The following ACTN2 variants were observed in gnomAD, a reference collection of about 807,000 sequenced individuals.
The protein encoded by ACTN2 is actinin alpha 2.
In ACTN2, 39 loss-of-function variants were observed where a neutral mutation model predicts 113.8. That is an observed-to-expected ratio of 0.34 (90% CI 0.27 to 0.45). ACTN2 has a LOEUF of 0.45. Among genes scored for constraint, ACTN2 ranks in the 20% least tolerant of loss-of-function variants. The pLI is 1.00. For missense variants in ACTN2, 992 were observed against 1,177.9 expected (o/e 0.84, Z 2.31); for synonymous variants, 429 against 444.1 (o/e 0.97, Z 0.43).
At chr1:236,720,450 C>T (rs771050973) in intron 4 of ACTN2, among the ~76,000 whole-genome samples, 29 of 152,134 alleles carry the variant, frequency 1.9e-4, no homozygotes, top group Non-Finnish European at 3.1e-4. Flanking sequence ...ATTTATTGAG[C>T]TTCTTGATTG....
At chr1:236,758,901 G>T (rs139984972) in intron 18 of ACTN2, among the ~76,000 whole-genome samples, 1 of 152,214 alleles carries the variant, frequency 6.6e-6, no homozygotes, top group African/African-American at 2.4e-5. Flanking sequence ...GCTTACAGGC[G>T]TGAGCCACCA....
chr1:236,718,901 G>C lies in ACTN2; in HGVS notation c.249G>C (p.Arg83Ser), dbSNP rs376981679. The change falls in exon 3 of 21, where the codon AGG (arginine) becomes AGC (serine). Residue 83 changes from arginine (R) to serine (S), a missense_variant. Arg to Ser is a moderately radical substitution (Grantham distance 110). Around this residue, in one of 3 missense-constraint regions of ACTN2, gnomAD observed 220 missense variants for 337.5 expected, o/e 0.65. Transcript: ENST00000366578. Reference sequence around the variant, plus strand: ...TCTCTTTTCATCCAACAGGGGAAAGGCTGCCCAAACCTGACCGGGGAAAAA... The same window carrying C: ...TCTCTTTTCATCCAACAGGGGAAAGCCTGCCCAAACCTGACCGGGGAAAAA... ...MLLLEVISGE[R>S]LPKPDRGKMR... The C allele has an allele frequency of 5.0e-6, 8 of 1,614,152 alleles. No individual in the cohort carries two copies. The highest frequency in any genetic ancestry group is 5.9e-6 in the Non-Finnish European group (7 of 1,180,022).
chr1:236,755,098 T>C lies in ACTN2; in HGVS notation c.2054T>C (p.Ile685Thr), dbSNP rs1057523250. ...MNQLKQYEHN[I>T]INYKNNIDKL... ...CAGCTGAAGCAGTATGAGCACAACA[T>C]CATCAACTATAAGAACAACATCGAC... The change falls in exon 17 of 21, where the codon ATC becomes ACC. Residue 685 changes from isoleucine (I) to threonine (T), a missense_variant. Coordinates refer to ENST00000366578, the MANE Select transcript of ACTN2 (RefSeq NM_001103.4). 3.7e-6 allele frequency: 6 copies of C among 1,614,036 alleles called. No homozygotes were observed. The highest frequency in any genetic ancestry group is 5.1e-6 in the Non-Finnish European group (6 of 1,180,040).
rs1464169293 is a variant in ACTN2 at position 236,739,248 on chromosome 1, T to C, written c.877-54T>C. On this transcript the variant is annotated intron_variant, in intron 9 of 20. Coordinates refer to ENST00000366578, the MANE Select transcript of ACTN2 (RefSeq NM_001103.4). ...GGATGCCTCATTTTTTTTTTTTAAC[T>C]GGGGGAGGGGGCTTGCTGGTGTCTT... 3.2e-6 allele frequency: 5 copies of C among 1,565,640 alleles called. No homozygotes were observed. The Admixed American group carries it at 6.7e-5, about 21-fold the overall frequency.
At chr1:236,762,121 C>T (rs891509677) in intron 20 of ACTN2, among the ~76,000 whole-genome samples, 26 of 152,172 alleles carry the variant, frequency 1.7e-4, no homozygotes, top group African/African-American at 4.6e-4. Context: ...TGTCCTATTT[C>T]CCACTGAACT....
intron 3 of ACTN2, 97 bp from the exon 4 acceptor site, chr1:236,720,008 T>C (rs1205615249): frequency 1.2e-6 from 1 of 840,530 alleles, no homozygotes; most frequent in African/African-American, 1.7e-5. Context: ...CATATGCACA[T>C]TTTCCAATAG....
chr1:236,729,576 C>T (rs1361059892), intron 6 of ACTN2, among the ~76,000 whole-genome samples: 1 of 152,154 alleles, frequency 6.6e-6, no homozygotes, highest in Non-Finnish European at 1.5e-5. Context: ...TTATCCCTTG[C>T]TTACCTCCTG....
chr1:236,686,573 G>T lies in ACTN2; in HGVS notation c.-101G>T. On this transcript the variant is annotated 5_prime_UTR_variant, in exon 1 of 21. Coordinates refer to ENST00000366578, the MANE Select transcript of ACTN2 (RefSeq NM_001103.4). Reference sequence around the variant, plus strand: ...AGGAGCCGCGCGAAGGTCACCCCGCGCCCGCCGCCCGCCGCCCGCCGCCTC... The same window carrying T: ...AGGAGCCGCGCGAAGGTCACCCCGCTCCCGCCGCCCGCCGCCCGCCGCCTC... The T allele has an allele frequency of 7.6e-7, 1 of 1,308,024 alleles. No individual in the cohort carries two copies. The highest frequency in any genetic ancestry group is 3.4e-5 in the East Asian group (1 of 29,748). 81.0% of individuals were successfully genotyped at this position (1,308,024 alleles called of 1,614,324 possible). A position where few individuals can be genotyped will look rare whatever the true frequency, so the allele number is the denominator to read the frequency against.
intron 6 of ACTN2, among the ~76,000 whole-genome samples, chr1:236,728,365 G>C (rs1658619963): frequency 6.6e-6 from 1 of 151,946 alleles, no homozygotes. Flanking sequence ...GGATGGTCTC[G>C]ATCTCCTGAG....
chr1:236,688,880 C>T (rs1419387204), intron 1 of ACTN2, among the ~76,000 whole-genome samples: 1 of 152,130 alleles, frequency 6.6e-6, no homozygotes, highest in Non-Finnish European at 1.5e-5. Context: ...CTGCCTTCTC[C>T]ACACTTGCCA....
At chr1:236,737,622 A>G (rs1224476218) in intron 9 of ACTN2, among the ~76,000 whole-genome samples, 1 of 151,354 alleles carries the variant, frequency 6.6e-6, no homozygotes, top group Non-Finnish European at 1.5e-5. Context: ...CTCACTCCAC[A>G]TAGGGACCCA....
intron 8 of ACTN2, 70 bp downstream of exon 8, chr1:236,735,790 AGT>A: frequency 7.6e-7 from 1 of 1,323,668 alleles, no homozygotes; most frequent in Admixed American, 1.8e-5. Flanking sequence ...TGCATACTTG[AGT>A]GTGTGTTTGT....
At chr1:236,724,370 G>A (rs553515721) in intron 4 of ACTN2, among the ~76,000 whole-genome samples, 3 of 152,338 alleles carry the variant, frequency 2.0e-5, no homozygotes, top group South Asian at 4.1e-4. Flanking sequence ...TTGGTGATGG[G>A]CGGGAAGACA....
intron 17 of ACTN2, among the ~76,000 whole-genome samples, chr1:236,755,805 T>C (rs10925218): frequency 8.5e-3 from 112 of 13,246 alleles, no homozygotes; most frequent in African/African-American, 0.017. Flanking sequence ...CCGCTGCCAC[T>C]GTTAGAACCC....
At chr1:236,761,656 A>G (rs1659713433) in intron 20 of ACTN2, among the ~76,000 whole-genome samples, 1 of 152,210 alleles carries the variant, frequency 6.6e-6, no homozygotes, top group South Asian at 2.1e-4. Context: ...GCTTTTCATT[A>G]CATGTAGCCT....
At chr1:236,732,893 T>C (rs567138377) in intron 7 of ACTN2, among the ~76,000 whole-genome samples, 1 of 152,376 alleles carries the variant, frequency 6.6e-6, no homozygotes, top group African/African-American at 2.4e-5. Context: ...AAGACTTCAC[T>C]GTATCTTTTT....
chr1:236,742,166 C>G (rs1321686710), intron 10 of ACTN2, among the ~76,000 whole-genome samples: 1 of 152,198 alleles, frequency 6.6e-6, no homozygotes, highest in East Asian at 1.9e-4. Flanking sequence ...GCAGGGCTGG[C>G]AGTATCCCTT....
At chr1:236,695,395 T>A (rs1657459379) in intron 1 of ACTN2, among the ~76,000 whole-genome samples, 1 of 136,614 alleles carries the variant, frequency 7.3e-6, no homozygotes, top group African/African-American at 2.7e-5. Flanking sequence ...AAAAAAAAGT[T>A]AAGAGATGTG....
At chr1:236,745,257 AC>A (rs1384745771) in intron 12 of ACTN2, among the ~76,000 whole-genome samples, 1 of 151,792 alleles carries the variant, frequency 6.6e-6, no homozygotes, top group Non-Finnish European at 1.5e-5. Context: ...ACACGGTGAA[AC>A]CCCGTCTCTA....
Sources: gnomAD v4.1 joint callset for allele counts (sites outside exome capture counted in the v4.1 genomes callset) on GRCh38, gnomAD v4.1.1 for gene constraint, gnomAD v4.1.1 regional missense constraint, MANE v1.5 for transcripts, NCBI Gene and HGNC (gene_info 2026-07-23, HGNC 2026-07-21) for gene names.